Variants in THSD7B observed in about 807,000 individuals in gnomAD.
THSD7B encodes the protein thrombospondin type 1 domain containing 7B.
THSD7B carries 138 observed loss-of-function variants against 213.6 expected under a neutral mutation model. The observed-to-expected ratio is 0.65, with a 90% CI of 0.56 to 0.74. The LOEUF (loss-of-function observed/expected upper bound fraction) is 0.74. THSD7B is among the 30% of genes least tolerant of loss of function. The pLI is 0.00. For synonymous variants in THSD7B, 742 were observed against 687.0 expected, an observed-to-expected ratio of 1.08 and a Z score of -1.25; for missense variants, 1,931 against 1,991.5, an observed-to-expected ratio of 0.97 and a Z score of 0.58.
intron 15 of THSD7B, among the ~76,000 whole-genome samples, chr2:137,519,576 T>C (rs1013324294): frequency 6.6e-6 from 1 of 152,130 alleles, no homozygotes; most frequent in Non-Finnish European, 1.5e-5. Flanking sequence ...GCGTAACTAC[T>C]TCAGACTGGC....
At chr2:137,052,307 C>T (rs1687083627) in intron 2 of THSD7B, among the ~76,000 whole-genome samples, 1 of 152,042 alleles carries the variant, frequency 6.6e-6, no homozygotes, top group Non-Finnish European at 1.5e-5. Context: ...AACTACTGTC[C>T]CCATTACATC....
At chr2:136,841,593 CAA>C (rs534991799) in intron 1 of THSD7B, among the ~76,000 whole-genome samples, 43 of 93,148 alleles carry the variant, frequency 4.6e-4, no homozygotes, top group East Asian at 1.6e-3. Context: ...AAGACTCCAT[CAA>C]AAAAAAAAAA....
In THSD7B at chr2:137,537,069, CA is replaced by C. The variant is rs571168523; in HGVS notation, c.3139-26144del. 3.3e-3 allele frequency among the ~76,000 whole-genome samples: 503 copies of C among 151,386 alleles called. 2 individuals are homozygous for C. The highest frequency in any genetic ancestry group is 0.017 in the Middle Eastern group (5 of 292). On this transcript the variant is annotated intron_variant, in intron 15 of 27. Coordinates refer to ENST00000409968, the MANE Select transcript of THSD7B (RefSeq NM_001316349.2). ...AACCAAAATGCGTGGGTTGTCTATA[CA>C]AAAAAAAGAGTGAAGCAAGTGATAC...
chr2:137,023,112 A>G (rs892963582), intron 2 of THSD7B, among the ~76,000 whole-genome samples: 1 of 152,212 alleles, frequency 6.6e-6, no homozygotes, highest in African/African-American at 2.4e-5. Flanking sequence ...GAAATTTAAT[A>G]GGGAATTGTT....
At chr2:137,117,898 T>C (rs1036860016) in intron 5 of THSD7B, among the ~76,000 whole-genome samples, 2 of 152,216 alleles carry the variant, frequency 1.3e-5, no homozygotes, top group Non-Finnish European at 2.9e-5. Context: ...GACATTGATA[T>C]GGTCCTGTTG....
At chr2:136,893,490 AC>A (rs1211872027) in intron 2 of THSD7B, among the ~76,000 whole-genome samples, 1 of 140,378 alleles carries the variant, frequency 7.1e-6, no homozygotes, top group African/African-American at 2.5e-5. Context: ...CTATATAAAT[AC>A]AAACAAAGGT....
chr2:137,479,514 G>A (rs1688258336), intron 15 of THSD7B: 5 of 407,990 alleles, frequency 1.2e-5, no homozygotes, highest in Non-Finnish European at 2.5e-5. Flanking sequence ...GGAAAGTGGG[G>A]TTCCTTTCGC....
chr2:137,602,548 G>T (rs1315575182), intron 17 of THSD7B, among the ~76,000 whole-genome samples: 11 of 152,016 alleles, frequency 7.2e-5, no homozygotes, highest in Non-Finnish European at 1.6e-4. Context: ...GATTACAGGC[G>T]TGAGCCACCG....
intron 4 of THSD7B, among the ~76,000 whole-genome samples, chr2:137,114,432 A>G (rs186281135): frequency 2.4e-4 from 36 of 152,164 alleles, no homozygotes; most frequent in African/African-American, 8.7e-4. Flanking sequence ...TTTCCCCCTT[A>G]TTTGTGGGGA....
At chr2:137,542,629 A>G (rs956460944) in intron 15 of THSD7B, among the ~76,000 whole-genome samples, 5 of 151,726 alleles carry the variant, frequency 3.3e-5, no homozygotes, top group Admixed American at 1.3e-4. Context: ...TCCAGGGTAT[A>G]CCATATGTTC....
intron 12 of THSD7B, among the ~76,000 whole-genome samples, chr2:137,309,032 A>G (rs1050866115): frequency 5.3e-5 from 8 of 152,118 alleles, no homozygotes; most frequent in African/African-American, 1.7e-4. Flanking sequence ...TTGTGAGTCA[A>G]AGAGCAGGAA....
intron 2 of THSD7B, among the ~76,000 whole-genome samples, chr2:136,924,873 C>G (rs573853427): frequency 1.1e-4 from 16 of 152,210 alleles, no homozygotes; most frequent in African/African-American, 3.4e-4. Flanking sequence ...TTTTGGTGTA[C>G]AAGTCTTTTA....
chr2:137,581,874 G>T (rs931254345), intron 17 of THSD7B, among the ~76,000 whole-genome samples: 9 of 151,754 alleles, frequency 5.9e-5, no homozygotes, highest in Non-Finnish European at 1.3e-4. Context: ...GAGGCAGGTG[G>T]ATCACTTGAG....
intron 3 of THSD7B, among the ~76,000 whole-genome samples, chr2:137,061,998 C>A (rs1003054480): frequency 1.3e-5 from 2 of 151,814 alleles, no homozygotes; most frequent in African/African-American, 4.8e-5. Context: ...TGGAAAGTTA[C>A]TAAATACTGG....
intron 17 of THSD7B, among the ~76,000 whole-genome samples, chr2:137,587,786 G>A (rs114556349): frequency 0.012 from 1,903 of 152,308 alleles, 53 homozygotes; most frequent in African/African-American, 0.042. Context: ...AGGGATCATG[G>A]ACCCACTTTA....
At chr2:136,855,952 C>G (rs1683175348) in intron 1 of THSD7B, among the ~76,000 whole-genome samples, 1 of 150,272 alleles carries the variant, frequency 6.7e-6, no homozygotes, top group African/African-American at 2.5e-5. Context: ...TCCTTCTTAC[C>G]ATTTAAGTCT....
At chr2:137,411,461 C>T in intron 13 of THSD7B, 148 bp from the exon 14 acceptor site, 1 of 717,464 alleles carries the variant, frequency 1.4e-6, no homozygotes, top group Non-Finnish European at 2.1e-6. Context: ...TCCGTTGTCT[C>T]AGGATTTACT....
intron 26 of THSD7B, among the ~76,000 whole-genome samples, chr2:137,665,120 G>A (rs1025845480): frequency 2.6e-5 from 4 of 152,124 alleles, no homozygotes; most frequent in African/African-American, 9.7e-5. Context: ...GAATGCCAAA[G>A]GTGTTTAAAA....
intron 17 of THSD7B, among the ~76,000 whole-genome samples, chr2:137,597,693 TTATAA>T (rs1204386609): frequency 6.6e-6 from 1 of 152,096 alleles, no homozygotes; most frequent in East Asian, 1.9e-4. Context: ...CAGACACATA[TTATAA>T]TTCCATTTTG....
Sources: gnomAD v4.1 joint callset for allele counts (sites outside exome capture counted in the v4.1 genomes callset) on GRCh38, gnomAD v4.1.1 for gene constraint, MANE v1.5 for transcripts, NCBI Gene and HGNC (gene_info 2026-07-23, HGNC 2026-07-21) for gene names.